Variants in SYTL4 observed in about 807,000 individuals in gnomAD.
The protein encoded by SYTL4 is synaptotagmin-like protein 4.
Under a neutral mutation model 52.7 loss-of-function variants are expected in SYTL4, and 16 were observed. The ratio of observed to expected loss-of-function variants is 0.30; its 90% CI spans 0.21 to 0.46. The LOEUF is 0.46. SYTL4 is among the 20% of genes least tolerant of loss of function. SYTL4 has a pLI of 1.00. For synonymous variants in SYTL4, 160 were observed against 186.6 expected (o/e 0.86, Z 1.16); for missense variants, 423 against 519.9 (o/e 0.81, Z 1.81).
chrX:100,714,963 TA>T (rs1189936758), intron 2 of SYTL4, among the ~76,000 whole-genome samples: 1 of 112,265 alleles, frequency 8.9e-6, no homozygotes, highest in African/African-American at 3.2e-5. Context: ...GTACCATTAA[TA>T]AATATTAGAA....
chrX:100,722,059 C>T (rs1292374670), intron 2 of SYTL4, among the ~76,000 whole-genome samples: 1 of 111,463 alleles, frequency 9.0e-6, no homozygotes, highest in Non-Finnish European at 1.9e-5. Flanking sequence ...GCCTCAGCCT[C>T]CCAAAGTGCT....
intron 2 of SYTL4, among the ~76,000 whole-genome samples, chrX:100,729,048 AAAGT>A (rs911270223): frequency 2.7e-5 from 3 of 110,465 alleles, no homozygotes; most frequent in Non-Finnish European, 5.7e-5. Context: ...AAAAAAAAAA[AAAGT>A]AAGAGAGAGG....
At chrX:100,725,600 A>C (rs2084500936) in intron 2 of SYTL4, among the ~76,000 whole-genome samples, 1 of 112,645 alleles carries the variant, frequency 8.9e-6, no homozygotes, top group Non-Finnish European at 1.9e-5. Flanking sequence ...CACAGAACTT[A>C]TCACAATTGT....
At chrX:100,696,902 C>T (rs2083716476) in intron 8 of SYTL4, among the ~76,000 whole-genome samples, 1 of 111,157 alleles carries the variant, frequency 9.0e-6, no homozygotes, top group South Asian at 3.8e-4. Flanking sequence ...AAAAACCACA[C>T]ACACACCATA....
intron 16 of SYTL4, 139 bp downstream of exon 16, chrX:100,685,851 A>G: frequency 1.7e-6 from 1 of 579,504 alleles, no homozygotes; most frequent in Non-Finnish European, 2.5e-6. Flanking sequence ...AATTGCTGTC[A>G]AACTCAGAAA....
chrX:100,691,098 G>C lies in SYTL4; in HGVS notation c.641+10C>G, dbSNP rs367800205. ...TTGAGAGGAGATGAGGGAAATGGGG[G>C]GAACCCCACCTGGAGGTGCTATCCG... On this transcript the variant is annotated intron_variant, in intron 9 of 19. Coordinates refer to ENST00000372989, the MANE Select transcript of SYTL4 (RefSeq NM_001370165.1). 1.8e-5 allele frequency: 21 copies of C among 1,180,233 alleles called. No homozygotes were observed. In the African/African-American group the frequency reaches 3.5e-4, roughly 20 times the overall value.
chrX:100,678,528 T>G lies in SYTL4; in HGVS notation c.1730A>C (p.His577Pro). 8.3e-7 allele frequency: 1 copy of G among 1,211,365 alleles called. No individual in the cohort carries two copies. Among genetic ancestry groups the G allele is most frequent in the Non-Finnish European group, 1.1e-6 (1 of 895,090 alleles). The change falls in exon 19 of 20, where the codon CAC becomes CCC. Residue 577 changes from histidine to proline, a missense_variant. Physicochemically the swap from His to Pro is moderately conservative, Grantham distance 77. Transcript: ENST00000372989. The stretch of plus-strand genomic sequence containing the variant: ...ATTGTAGACAAATGTATGGTTGTAG[T>G]GAGGATTCAGGGTCTTCTTCATCAC... ...TPVMKKTLNP[H>P]YNHTFVYNGV...
intron 3 of SYTL4, among the ~76,000 whole-genome samples, chrX:100,703,547 A>G (rs909011566): frequency 5.4e-5 from 6 of 111,978 alleles, no homozygotes; most frequent in African/African-American, 1.9e-4. Context: ...ATCAGAGGAC[A>G]ATTTGGTAGT....
At chrX:100,706,475 A>G (rs2083959876) in intron 2 of SYTL4, among the ~76,000 whole-genome samples, 1 of 112,727 alleles carries the variant, frequency 8.9e-6, no homozygotes, top group Admixed American at 9.4e-5. Context: ...TGTTTCCAAC[A>G]CTAACCCTGT....
chrX:100,674,515 A>G lies in SYTL4; in HGVS notation c.*1513T>C, dbSNP rs2147655762. 8.9e-6 allele frequency: 1 copy of G among 112,645 alleles called. No individual in the cohort carries two copies. The highest frequency in any genetic ancestry group is 3.7e-4 in the South Asian group (1 of 2,685). 9.3% of individuals were successfully genotyped at this position (112,645 alleles called of 1,213,427 possible). A position where few individuals can be genotyped will look rare whatever the true frequency, so the allele number is the denominator to read the frequency against. On this transcript the variant is annotated 3_prime_UTR_variant, in exon 20 of 20. Coordinates refer to ENST00000372989, the MANE Select transcript of SYTL4 (RefSeq NM_001370165.1). ...GTTTGACAAGTGAGAAAGCTTTATTAAAGCACACATACATGTCAGGGGGGT... is the reference window on the plus strand; with the variant it reads ...GTTTGACAAGTGAGAAAGCTTTATTGAAGCACACATACATGTCAGGGGGGT...
At chrX:100,683,476 T>A (rs1051705284) in intron 16 of SYTL4, among the ~76,000 whole-genome samples, 24 of 110,934 alleles carry the variant, frequency 2.2e-4, no homozygotes, top group Non-Finnish European at 3.4e-4. Flanking sequence ...CTTAGGTCCT[T>A]ACCAATGCTA....
At chrX:100,727,749 T>C (rs1221453911) in intron 2 of SYTL4, among the ~76,000 whole-genome samples, 11 of 111,510 alleles carry the variant, frequency 9.9e-5, no homozygotes, top group Admixed American at 5.7e-4. Context: ...GACTCCCTCA[T>C]GAATTAAATT....
chrX:100,683,520 T>C (rs1249030620), intron 16 of SYTL4, among the ~76,000 whole-genome samples: 4 of 111,148 alleles, frequency 3.6e-5, no homozygotes, highest in Non-Finnish European at 7.5e-5. Context: ...TGGATCAACA[T>C]ACCACATACC....
chrX:100,706,328 T>C (rs748607725), intron 2 of SYTL4, among the ~76,000 whole-genome samples: 2 of 112,342 alleles, frequency 1.8e-5, no homozygotes, highest in Non-Finnish European at 3.8e-5. Context: ...CTCATACTTG[T>C]AAAAAGGTTT....
At chrX:100,701,045 G>A in intron 7 of SYTL4, 46 bp from the exon 8 acceptor site, 1 of 1,044,600 alleles carries the variant, frequency 9.6e-7, no homozygotes, top group Non-Finnish European at 1.3e-6. Context: ...TATGAGTAGG[G>A]GAAAAAGGAA....
chrX:100,699,213 G>T (rs951077317), intron 8 of SYTL4, among the ~76,000 whole-genome samples: 2 of 106,861 alleles, frequency 1.9e-5, no homozygotes, highest in African/African-American at 6.8e-5. Flanking sequence ...CTAAAAACAT[G>T]AAAATTAGCT....
intron 12 of SYTL4, among the ~76,000 whole-genome samples, chrX:100,688,797 T>C (rs978583268): frequency 7.3e-5 from 8 of 109,141 alleles, no homozygotes; most frequent in Non-Finnish European, 1.3e-4. Flanking sequence ...ACTCCTGATC[T>C]CAGGTGATCC....
At chrX:100,724,881 GA>G (rs1244648743) in intron 2 of SYTL4, among the ~76,000 whole-genome samples, 1 of 75,510 alleles carries the variant, frequency 1.3e-5, no homozygotes, top group African/African-American at 4.8e-5. Context: ...AAAGAAAAAA[GA>G]AAAAAAAAAA....
intron 16 of SYTL4, among the ~76,000 whole-genome samples, chrX:100,683,559 G>C (rs1036432626): frequency 9.0e-6 from 1 of 111,510 alleles, no homozygotes; most frequent in Non-Finnish European, 1.9e-5. Context: ...ATATGTGAGA[G>C]AGACAAAAGA....
Sources: allele counts gnomAD v4.1 joint callset (sites outside exome capture counted in the v4.1 genomes callset), GRCh38; gene constraint gnomAD v4.1.1; transcripts MANE v1.5; gene names NCBI Gene and HGNC (gene_info 2026-07-23, HGNC 2026-07-21).